Variants in SRGAP1 observed in about 807,000 individuals in gnomAD.
SRGAP1 encodes the protein SLIT-ROBO Rho GTPase activating protein 1, also known as SLIT-ROBO Rho GTPase-activating protein 1.
In SRGAP1, 43 loss-of-function variants were observed where a neutral mutation model predicts 121.9. The observed-to-expected ratio is 0.35, with a 90% CI of 0.28 to 0.46. SRGAP1 has a LOEUF of 0.46. Ranked by LOEUF, SRGAP1 falls within the 20% of genes least tolerant of loss-of-function variation. The pLI, the probability that SRGAP1 is intolerant of heterozygous loss-of-function variation, is 1.00. For synonymous variants in SRGAP1, 447 were observed against 485.4 expected, an observed-to-expected ratio of 0.92 and a Z score of 1.04; for missense variants, 1,102 against 1,350.9, an observed-to-expected ratio of 0.82 and a Z score of 2.89.
chr12:64,099,357 G>GCCC (rs2036218390), intron 15 of SRGAP1, among the ~76,000 whole-genome samples: 4 of 152,182 alleles, frequency 2.6e-5, no homozygotes, highest in Non-Finnish European at 4.4e-5. Flanking sequence ...TTGTGGAGTA[G>GCCC]TTTTGCAGCC....
intron 12 of SRGAP1, chr12:64,091,830 G>A: frequency 1.5e-6 from 2 of 1,319,040 alleles, no homozygotes; most frequent in Non-Finnish European, 2.1e-6. Context: ...TCTATACCTT[G>A]TACCTCTGCT....
chr12:63,985,400 C>T (rs1476144945), intron 2 of SRGAP1, among the ~76,000 whole-genome samples: 2 of 152,018 alleles, frequency 1.3e-5, no homozygotes, highest in African/African-American at 4.8e-5. Context: ...GTCATGGGGA[C>T]CTGGGGATCT....
At chr12:64,095,332 C>G (rs1216860263) in intron 14 of SRGAP1, 128 bp downstream of exon 14, 3 of 719,756 alleles carry the variant, frequency 4.2e-6, no homozygotes, top group Non-Finnish European at 7.0e-6. Flanking sequence ...AGGGGTGCAG[C>G]AGTAAGAATC....
Position 63,889,865 on chromosome 12 carries a change from A to G in SRGAP1, c.67+44982A>G, listed in dbSNP as rs139209128. Reference sequence around the variant, plus strand: ...AGCGGTTGCAGTGAGCCAAGATTGCACCACTGCATTCCAGCCTGGGTGACA... The same window carrying G: ...AGCGGTTGCAGTGAGCCAAGATTGCGCCACTGCATTCCAGCCTGGGTGACA... On this transcript the variant is annotated intron_variant, in intron 1 of 21. Coordinates refer to ENST00000355086, the MANE Select transcript of SRGAP1 (RefSeq NM_020762.4). Among the ~76,000 whole-genome samples the G allele has an allele frequency of 5.9e-3, 901 of 152,090 alleles. 6 individuals are homozygous for G. Among genetic ancestry groups the G allele is most frequent in the African/African-American group, 0.02 (812 of 41,464 alleles).
At chr12:64,114,500 A>T (rs1206332085) in intron 17 of SRGAP1, among the ~76,000 whole-genome samples, 2 of 152,010 alleles carry the variant, frequency 1.3e-5, no homozygotes, top group Non-Finnish European at 2.9e-5. Flanking sequence ...ACAGGTGTCC[A>T]CCACCATACC....
intron 1 of SRGAP1, among the ~76,000 whole-genome samples, chr12:63,969,210 T>G (rs1185782275): frequency 6.6e-6 from 1 of 152,130 alleles, no homozygotes; most frequent in Non-Finnish European, 1.5e-5. Flanking sequence ...TTCTGTTTGG[T>G]GTCAGAGCTA....
intron 3 of SRGAP1, among the ~76,000 whole-genome samples, chr12:63,992,556 AGAGGGATCAGCTCT>A (rs923961310): frequency 6.6e-6 from 1 of 152,004 alleles, no homozygotes; most frequent in African/African-American, 2.4e-5. Flanking sequence ...TAATTCCCAG[AGAGGGATCAGCTCT>A]GAGTTTCAAC....
chr12:64,057,807 C>CG (rs1472842779), intron 6 of SRGAP1, among the ~76,000 whole-genome samples: 1 of 152,014 alleles, frequency 6.6e-6, no homozygotes, highest in Non-Finnish European at 1.5e-5. Context: ...ATAATTCTGC[C>CG]GAAGAGAGTA....
At chr12:63,948,554 G>A (rs1239374886) in intron 1 of SRGAP1, among the ~76,000 whole-genome samples, 1 of 151,916 alleles carries the variant, frequency 6.6e-6, no homozygotes, top group Non-Finnish European at 1.5e-5. Context: ...TGTAACTTAG[G>A]ACACTTAATG....
intron 1 of SRGAP1, chr12:63,887,392 C>G (rs560711506): frequency 2.0e-5 from 3 of 152,356 alleles, no homozygotes; most frequent in Admixed American, 6.5e-5. Context: ...AGAGGGGTTT[C>G]CATGCTATCT....
At chr12:63,896,832 G>T (rs1156648700) in intron 1 of SRGAP1, among the ~76,000 whole-genome samples, 2 of 152,172 alleles carry the variant, frequency 1.3e-5, no homozygotes, top group Admixed American at 6.5e-5. Flanking sequence ...TAACGCTGTG[G>T]GTTGTTAATT....
intron 18 of SRGAP1, 49 bp from the exon 19 acceptor site, chr12:64,125,928 C>G: frequency 6.3e-7 from 1 of 1,584,420 alleles, no homozygotes; most frequent in Non-Finnish European, 8.6e-7. Flanking sequence ...GGATACCATG[C>G]CTTCCTAACA....
intron 6 of SRGAP1, among the ~76,000 whole-genome samples, chr12:64,060,033 G>A (rs1168045149): frequency 1.3e-5 from 2 of 151,764 alleles, no homozygotes; most frequent in African/African-American, 2.4e-5. Flanking sequence ...TTGTTTTAGG[G>A]CATTGCTTCT....
chr12:64,016,168 AGGCTCAGT>A (rs1328267128), intron 3 of SRGAP1, among the ~76,000 whole-genome samples: 1 of 152,128 alleles, frequency 6.6e-6, no homozygotes, highest in Non-Finnish European at 1.5e-5. Flanking sequence ...CTTTCTTGCC[AGGCTCAGT>A]GGCTTACATC....
At chr12:64,011,557 A>G (rs181059401) in intron 3 of SRGAP1, among the ~76,000 whole-genome samples, 6 of 152,298 alleles carry the variant, frequency 3.9e-5, no homozygotes, top group African/African-American at 1.4e-4. Flanking sequence ...TTTGACCAGC[A>G]TTTATGATAT....
intron 4 of SRGAP1, among the ~76,000 whole-genome samples, chr12:64,022,163 G>A (rs1414866098): frequency 6.6e-6 from 1 of 152,182 alleles, no homozygotes; most frequent in African/African-American, 2.4e-5. Flanking sequence ...ATGGGTGTGT[G>A]TGTGTGTGTG....
intron 1 of SRGAP1, among the ~76,000 whole-genome samples, chr12:63,892,247 G>T (rs2136297854): frequency 6.6e-6 from 1 of 152,238 alleles, no homozygotes; most frequent in East Asian, 1.9e-4. Context: ...TCTGTTTTCA[G>T]TTTTTCTGGT....
chr12:64,115,673 A>T, intron 17 of SRGAP1, 141 bp from the exon 18 acceptor site: 1 of 594,770 alleles, frequency 1.7e-6, no homozygotes, highest in Non-Finnish European at 3.0e-6. Flanking sequence ...AGGTAGGAGG[A>T]TCACTTGAGC....
At chr12:63,908,182 A>C (rs186090235) in intron 1 of SRGAP1, among the ~76,000 whole-genome samples, 9 of 150,496 alleles carry the variant, frequency 6.0e-5, no homozygotes, top group Non-Finnish European at 3.0e-5. Context: ...TTTTTTTGCT[A>C]TCCTAGATTG....
Sources: allele counts gnomAD v4.1 joint callset (sites outside exome capture counted in the v4.1 genomes callset), GRCh38; gene constraint gnomAD v4.1.1; transcripts MANE v1.5; gene names NCBI Gene and HGNC (gene_info 2026-07-23, HGNC 2026-07-21).